Variants in RERE observed in about 807,000 individuals in gnomAD.
RERE encodes arginine-glutamic acid dipeptide repeats, also known as arginine-glutamic acid dipeptide repeats protein.
A neutral mutation model predicts 146.1 loss-of-function variants in RERE; 40 were observed. The observed-to-expected ratio is 0.27, with a 90% CI of 0.21 to 0.36. The LOEUF (loss-of-function observed/expected upper bound fraction) is 0.36. Ranked by LOEUF, RERE falls within the 10% of genes least tolerant of loss-of-function variation. The pLI, the probability that RERE is intolerant of heterozygous loss-of-function variation, is 1.00. For missense variants in RERE, 1,933 were observed against 2,138.7 expected (o/e 0.90, Z 1.90); for synonymous variants, 1,003 against 866.0 (o/e 1.16, Z -2.78).
chr1:8,401,934 C>T (rs1016556729), intron 12 of RERE, among the ~76,000 whole-genome samples: 1 of 152,026 alleles, frequency 6.6e-6, no homozygotes, highest in Non-Finnish European at 1.5e-5. Flanking sequence ...GGCATGATCT[C>T]GGCTCACTGC....
Position 8,361,757 on chromosome 1 carries a change from C to T in RERE, c.2016+6G>A. On this transcript the variant is annotated splice_donor_region_variant and intron_variant, in intron 17 of 22. Transcript: ENST00000400908. The stretch of plus-strand genomic sequence containing the variant: ...TTACTCAGCAAGGCTCAGCAGCAAA[C>T]CTCACCTGCGTTTTTGTCTTCTTGG... 5 of 1,608,056 alleles carry T rather than the reference C, an allele frequency of 3.1e-6. No homozygotes were observed. Among genetic ancestry groups the T allele is most frequent in the Non-Finnish European group, 1.7e-6 (2 of 1,174,574 alleles).
At chr1:8,796,429 C>CAAA (rs1247168981) in intron 1 of RERE, 1 of 151,446 alleles carries the variant, frequency 6.6e-6, no homozygotes, top group Non-Finnish European at 1.5e-5. Flanking sequence ...ATTAAAAGCC[C>CAAA]AAGAAAAAAT....
chr1:8,361,423 T>C lies in RERE; in HGVS notation c.2084A>G (p.Asp695Gly). Residue 695 changes from aspartate to glycine, a missense_variant, in exon 18 of 23, where the codon GAT becomes GGT. This residue lies in a region of RERE where 1,255 missense variants were observed against 1,153.8 expected (regional missense o/e 1.09). Transcript: ENST00000400908. ...GESSDSRSVN[D>G]EGSSDPKDID... ...GTCTTTGGGGTCACTGCTACCCTCA[T>C]CGTTGACGCTGCGACTGTCTGAACT... is the stretch of plus-strand genomic sequence containing the variant. The C allele has an allele frequency of 6.2e-7, 1 of 1,613,854 alleles. No individual in the cohort carries two copies. Among genetic ancestry groups the C allele is most frequent in the South Asian group, 1.1e-5 (1 of 91,086 alleles).
At position 8,798,939 on chromosome 1, in the gene RERE, G is replaced by A. The variant is rs575328240; in HGVS notation, c.-145+18221C>T. Among the ~76,000 whole-genome samples, 31 of 152,054 alleles carry A rather than the reference G, an allele frequency of 2.0e-4. No homozygotes were observed. In the East Asian group the frequency reaches 4.7e-3, roughly 23 times the overall value. ...ACTCCCAACCTCAGGTGATCCACCC[G>A]CCTCAGCCTCCCACAGTGCTAAGAT... is the stretch of plus-strand genomic sequence containing the variant. On this transcript the variant is annotated intron_variant, in intron 1 of 22. Transcript: ENST00000400908.
chr1:8,808,244 C>T (rs1015636861), intron 1 of RERE, among the ~76,000 whole-genome samples: 2 of 151,116 alleles, frequency 1.3e-5, no homozygotes, highest in Non-Finnish European at 2.9e-5. Context: ...TACTATTACT[C>T]TATTCACTTG....
In RERE at chr1:8,536,523, C is replaced by T. The variant is rs986960812; in HGVS notation, c.830+4691G>A. On this transcript the variant is annotated intron_variant, in intron 7 of 22. Transcript: ENST00000400908. ...CTATTTTATATTTTAGTTTAACCAC[C>T]GACGCTGGTGTTTTAGCCAAATGCA... Among the ~76,000 whole-genome samples, 18 of 152,108 alleles carry T rather than the reference C, an allele frequency of 1.2e-4. 1 individual carries two copies. The South Asian group carries it at 2.3e-3, about 19-fold the overall frequency.
chr1:8,521,176 C>CAAAA (rs36115526), intron 7 of RERE, among the ~76,000 whole-genome samples: 9,865 of 109,480 alleles, frequency 0.09, 633 homozygotes, highest in African/African-American at 0.1. Context: ...TTCTTTTTTT[C>CAAAA]AAAAAAAAAA....
chr1:8,588,132 G>T (rs906473586), intron 4 of RERE, among the ~76,000 whole-genome samples: 3 of 152,156 alleles, frequency 2.0e-5, no homozygotes, highest in East Asian at 3.8e-4. Flanking sequence ...ATTCTTGATA[G>T]GCAGACTAAT....
chr1:8,512,083 G>A (rs1193628855), intron 7 of RERE, among the ~76,000 whole-genome samples: 2 of 120,290 alleles, frequency 1.7e-5, no homozygotes, highest in African/African-American at 6.2e-5. Flanking sequence ...CCGGACTGCA[G>A]ACTGCAGTGG....
intron 1 of RERE, among the ~76,000 whole-genome samples, chr1:8,732,148 C>T (rs900925239): frequency 2.6e-5 from 4 of 152,142 alleles, no homozygotes; most frequent in Admixed American, 1.3e-4. Context: ...ACAATCGTGC[C>T]CCTAAGCATT....
chr1:8,611,286 T>C (rs1363582703), intron 4 of RERE, among the ~76,000 whole-genome samples: 1 of 151,884 alleles, frequency 6.6e-6, no homozygotes. Context: ...AGAGGATCAC[T>C]TGAGGTCAGG....
At chr1:8,422,687 G>C (rs374041016) in intron 12 of RERE, 40 bp downstream of exon 12, 3 of 1,433,200 alleles carry the variant, frequency 2.1e-6, no homozygotes, top group South Asian at 2.3e-5. Flanking sequence ...CAGGAGCAAA[G>C]AGGAAAAAAT....
chr1:8,425,771 G>A (rs964889279), intron 11 of RERE: 1 of 152,240 alleles, frequency 6.6e-6, no homozygotes, highest in South Asian at 2.1e-4. Context: ...TGGCAGAGTT[G>A]GACAAACAAA....
intron 7 of RERE, among the ~76,000 whole-genome samples, chr1:8,538,297 C>G (rs989502179): frequency 1.3e-5 from 2 of 152,166 alleles, no homozygotes; most frequent in African/African-American, 4.8e-5. Context: ...CTTACTAGTC[C>G]TACTCATTAA....
At chr1:8,759,362 A>G (rs1640707172) in intron 1 of RERE, among the ~76,000 whole-genome samples, 1 of 152,180 alleles carries the variant, frequency 6.6e-6, no homozygotes, top group Admixed American at 6.5e-5. Context: ...AAGGATGAAG[A>G]ATTAGAAAGA....
chr1:8,767,023 T>G (rs1640862756), intron 1 of RERE, among the ~76,000 whole-genome samples: 1 of 152,228 alleles, frequency 6.6e-6, no homozygotes, highest in South Asian at 2.1e-4. Flanking sequence ...TAAAATGTAC[T>G]GAATTAATGA....
chr1:8,483,228 T>C (rs1000846997), intron 10 of RERE, among the ~76,000 whole-genome samples: 1 of 152,232 alleles, frequency 6.6e-6, no homozygotes, highest in African/African-American at 2.4e-5. Context: ...ACACTAACCA[T>C]TTAATGTTGA....
intron 8 of RERE, among the ~76,000 whole-genome samples, chr1:8,502,539 G>A (rs1305581205): frequency 2.1e-5 from 3 of 140,554 alleles, no homozygotes; most frequent in African/African-American, 8.3e-5. Context: ...CGCCCCTACT[G>A]GGAAGTGAGG....
chr1:8,495,053 A>C lies in RERE; in HGVS notation c.1104+10T>G, dbSNP rs763397971. On this transcript the variant is annotated intron_variant, in intron 10 of 22. Coordinates refer to ENST00000400908, the MANE Select transcript of RERE (RefSeq NM_001042681.2). ...TGTCTTCCCACTCAGGGTGACTTCA[A>C]AAGACTTACTGTGTTCAGTGCATTC... 6.3e-5 allele frequency: 101 copies of C among 1,601,918 alleles called. No homozygotes were observed. Among genetic ancestry groups the C allele is most frequent in the Non-Finnish European group, 7.6e-5 (89 of 1,169,126 alleles).
Sources: allele counts gnomAD v4.1 joint callset (sites outside exome capture counted in the v4.1 genomes callset), GRCh38; gene constraint gnomAD v4.1.1; regional missense constraint gnomAD v4.1.1; transcripts MANE v1.5; gene names NCBI Gene and HGNC (gene_info 2026-07-23, HGNC 2026-07-21).